UBE2U: variants seen among roughly 807,000 people sequenced by gnomAD.
UBE2U encodes the protein ubiquitin conjugating enzyme E2 U.
UBE2U carries 39 observed loss-of-function variants against 41.2 expected under a neutral mutation model. That is an observed-to-expected ratio of 0.95 (90% CI 0.73 to 1.24). The LOEUF (loss-of-function observed/expected upper bound fraction) is 1.24, where lower values mean the gene tolerates loss of function less well. UBE2U is among the 50% of genes most tolerant of loss of function. The pLI is 0.00. For missense variants in UBE2U, 336 were observed against 363.1 expected, an observed-to-expected ratio of 0.93 and a Z score of 0.61; for synonymous variants, 107 against 117.8, an observed-to-expected ratio of 0.91 and a Z score of 0.60.
intron 8 of UBE2U, among the ~76,000 whole-genome samples, chr1:64,246,147 T>TA (rs144383038): frequency 1.3e-4 from 20 of 151,984 alleles, no homozygotes; most frequent in Admixed American, 3.3e-4. Context: ...TTCTTATATG[T>TA]AAAAAAAGAA....
Position 64,205,727 on chromosome 1 carries a change from A to G in UBE2U, c.148+7A>G, listed in dbSNP as rs1445415978. 1 of 1,609,578 alleles carries G rather than the reference A, an allele frequency of 6.2e-7. No homozygotes were observed. Among genetic ancestry groups the G allele is most frequent in the Non-Finnish European group, 8.5e-7 (1 of 1,177,654 alleles). On this transcript the variant is annotated splice_region_variant and intron_variant, in intron 2 of 9. Transcript: ENST00000371077. ...CAGAATTCAGTTTGGCAGGGTTTGT[A>G]TTTTCAAAACCAATCTATTTTTTAA...
chr1:64,264,673 C>T (rs1413365404), intron 9 of UBE2U, among the ~76,000 whole-genome samples: 3 of 152,104 alleles, frequency 2.0e-5, no homozygotes, highest in Non-Finnish European at 4.4e-5. Context: ...AGAAATGGGG[C>T]GGGGCGCAGT....
intron 6 of UBE2U, among the ~76,000 whole-genome samples, chr1:64,231,046 A>T (rs1644554963): frequency 6.6e-6 from 1 of 152,206 alleles, no homozygotes; most frequent in South Asian, 2.1e-4. Flanking sequence ...TTGAAAATTC[A>T]GATACTCCCA....
intron 7 of UBE2U, among the ~76,000 whole-genome samples, chr1:64,238,068 T>C (rs1644702746): frequency 6.6e-6 from 1 of 152,162 alleles, no homozygotes; most frequent in African/African-American, 2.4e-5. Flanking sequence ...ACAGTGGGTA[T>C]TCTAATGGTA....
chr1:64,239,198 CAGACA>C (rs1644787958), intron 7 of UBE2U, among the ~76,000 whole-genome samples: 1 of 133,680 alleles, frequency 7.5e-6, no homozygotes, highest in East Asian at 2.2e-4. Context: ...AAGAAAGCCC[CAGACA>C]AGGACAAGAC....
At chr1:64,239,701 T>G (rs1352385356) in intron 7 of UBE2U, among the ~76,000 whole-genome samples, 1 of 152,106 alleles carries the variant, frequency 6.6e-6, no homozygotes, top group Non-Finnish European at 1.5e-5. Context: ...CATGAACTCA[T>G]CATTTTTTAT....
chr1:64,221,284 T>G (rs146337721), intron 6 of UBE2U, among the ~76,000 whole-genome samples: 7,244 of 152,148 alleles, frequency 0.048, 562 homozygotes, highest in African/African-American at 0.17. Flanking sequence ...GCTAATTTTT[T>G]GTATTTTTAG....
chr1:64,262,033 A>G (rs1345211451), intron 9 of UBE2U, among the ~76,000 whole-genome samples: 2 of 151,932 alleles, frequency 1.3e-5, no homozygotes, highest in African/African-American at 4.8e-5. Context: ...CCCCTTCACA[A>G]CCTAAATGCT....
At chr1:64,239,132 GAA>G (rs1200082116) in intron 7 of UBE2U, among the ~76,000 whole-genome samples, 49 of 27,390 alleles carry the variant, frequency 1.8e-3, no homozygotes, top group South Asian at 7.3e-3. Flanking sequence ...AGAAGAAGAA[GAA>G]GAAGAAGAAG....
intron 5 of UBE2U, chr1:64,215,427 T>G (rs528252032): frequency 6.5e-6 from 1 of 153,088 alleles, no homozygotes; most frequent in South Asian, 2.1e-4. Context: ...AGTGTGATCC[T>G]TTTTTAAAGA....
At chr1:64,236,995 G>A (rs1454262756) in intron 7 of UBE2U, among the ~76,000 whole-genome samples, 1 of 152,148 alleles carries the variant, frequency 6.6e-6, no homozygotes, top group Non-Finnish European at 1.5e-5. Flanking sequence ...TGCAACCAAG[G>A]CTGGGAAGGT....
intron 8 of UBE2U, among the ~76,000 whole-genome samples, chr1:64,242,538 A>G (rs1193118994): frequency 2.6e-5 from 4 of 152,232 alleles, no homozygotes; most frequent in Non-Finnish European, 4.4e-5. Flanking sequence ...ATACACGATG[A>G]ATAAAGATAA....
At chr1:64,204,362 A>T (rs1157197817) in intron 1 of UBE2U, among the ~76,000 whole-genome samples, 1 of 152,208 alleles carries the variant, frequency 6.6e-6, no homozygotes. Context: ...GGATCTAGGC[A>T]CTGAATATCA....
chr1:64,261,349 A>G (rs1645177836), intron 9 of UBE2U, among the ~76,000 whole-genome samples: 1 of 152,170 alleles, frequency 6.6e-6, no homozygotes, highest in Non-Finnish European at 1.5e-5. Context: ...CTAGTTGCTA[A>G]AAATCTGCCC....
intron 7 of UBE2U, among the ~76,000 whole-genome samples, chr1:64,236,804 CA>C (rs1448414366): frequency 6.6e-6 from 1 of 152,118 alleles, no homozygotes; most frequent in African/African-American, 2.4e-5. Flanking sequence ...CATTTAGATG[CA>C]AGAAGCAGTA....
At chr1:64,247,000 G>A (rs74319035) in intron 8 of UBE2U, among the ~76,000 whole-genome samples, 7,130 of 152,110 alleles carry the variant, frequency 0.047, 530 homozygotes, top group African/African-American at 0.16. Flanking sequence ...AGGCTATTAG[G>A]GCAGAAAAGA....
chr1:64,232,327 A>T (rs1257240879), intron 6 of UBE2U, among the ~76,000 whole-genome samples: 1 of 152,182 alleles, frequency 6.6e-6, no homozygotes, highest in Non-Finnish European at 1.5e-5. Flanking sequence ...ATGTGGGTCC[A>T]TATTTACATT....
chr1:64,245,534 G>C (rs80228365), intron 8 of UBE2U, among the ~76,000 whole-genome samples: 7,130 of 152,128 alleles, frequency 0.047, 536 homozygotes, highest in African/African-American at 0.16. Flanking sequence ...AAAGAATATT[G>C]CTTCTTGTTT....
chr1:64,233,474 A>G (rs991845361), intron 7 of UBE2U, among the ~76,000 whole-genome samples: 1 of 152,188 alleles, frequency 6.6e-6, no homozygotes, highest in African/African-American at 2.4e-5. Flanking sequence ...AAGATAGTCA[A>G]TTGGAGGAAT....
Sources: allele counts gnomAD v4.1 joint callset (sites outside exome capture counted in the v4.1 genomes callset), GRCh38; gene constraint gnomAD v4.1.1; transcripts MANE v1.5; gene names NCBI Gene and HGNC (gene_info 2026-07-23, HGNC 2026-07-21).